Variants in AKAP19 observed in about 807,000 individuals in gnomAD.
The protein encoded by AKAP19 is A-kinase anchoring protein 19, also known as small A-kinase anchoring protein.
the AKAP19 span, among the ~76,000 whole-genome samples, chr2:190,039,066 C>T: frequency 3.8e-5 from 5 of 130,870 alleles, no homozygotes. Context: ...TCCTCTTCTT[C>T]CTCTTCTTTT....
chr2:189,923,578 T>C, the AKAP19 span: 1 of 1,614,040 alleles, frequency 6.2e-7, no homozygotes, highest in Non-Finnish European at 8.5e-7. Context: ...AGGTTTTAGA[T>C]ATTAACCTGG....
the AKAP19 span, chr2:189,923,564 G>A: frequency 6.2e-7 from 1 of 1,613,988 alleles, no homozygotes; most frequent in African/African-American, 1.3e-5. Flanking sequence ...AATGATTGCT[G>A]GCCAGGTTTT....
the AKAP19 span, among the ~76,000 whole-genome samples, chr2:190,078,135 C>T: frequency 6.6e-6 from 1 of 152,178 alleles, no homozygotes; most frequent in East Asian, 1.9e-4. Flanking sequence ...CTAGTCTCCT[C>T]AGCGTTTCCA....
the AKAP19 span, chr2:189,923,870 G>T: frequency 6.2e-7 from 1 of 1,611,016 alleles, no homozygotes; most frequent in Non-Finnish European, 8.5e-7. Flanking sequence ...GAAAGGAGAT[G>T]ACCTTCAGGC....
the AKAP19 span, among the ~76,000 whole-genome samples, chr2:190,111,541 C>T: frequency 6.6e-6 from 1 of 152,126 alleles, no homozygotes; most frequent in Non-Finnish European, 1.5e-5. Flanking sequence ...CTCTTTCAAC[C>T]TTAGATAAAC....
At chr2:189,884,545 C>CCA in the AKAP19 span, among the ~76,000 whole-genome samples, 2 of 151,974 alleles carry the variant, frequency 1.3e-5, no homozygotes, top group Non-Finnish European at 2.9e-5. Flanking sequence ...AGATTCCCAG[C>CCA]CACACACACA....
At chr2:190,062,263 GATA>G in the AKAP19 span, 1 of 1,613,108 alleles carries the variant, frequency 6.2e-7, no homozygotes, top group Admixed American at 1.7e-5. Context: ...GTTGTAGCGT[GATA>G]ATCGTCATCT....
the AKAP19 span, among the ~76,000 whole-genome samples, chr2:190,083,684 G>A: frequency 1.1e-4 from 16 of 152,282 alleles, no homozygotes; most frequent in East Asian, 2.5e-3. Flanking sequence ...ATGCAACATT[G>A]TTAGGTTAAC....
At chr2:190,105,105 T>C in the AKAP19 span, among the ~76,000 whole-genome samples, 2 of 152,146 alleles carry the variant, frequency 1.3e-5, no homozygotes, top group Admixed American at 6.5e-5. Context: ...TTAAAAGTAC[T>C]GTTTGACCCA....
At chr2:189,934,180 T>C in the AKAP19 span, among the ~76,000 whole-genome samples, 1 of 152,050 alleles carries the variant, frequency 6.6e-6, no homozygotes, top group Non-Finnish European at 1.5e-5. Context: ...TCCATAGAAA[T>C]AGAACCAAGA....
the AKAP19 span, among the ~76,000 whole-genome samples, chr2:190,110,136 G>C: frequency 9.5e-3 from 1,436 of 151,070 alleles, 25 homozygotes; most frequent in African/African-American, 0.033. Context: ...AGAAAATCAC[G>C]ACAAAATGTA....
chr2:190,065,852 A>G, the AKAP19 span, among the ~76,000 whole-genome samples: 1 of 152,182 alleles, frequency 6.6e-6, no homozygotes, highest in Non-Finnish European at 1.5e-5. Context: ...AAGAAATTTA[A>G]GTAAGTTTTA....
chr2:190,183,905 A>G, the AKAP19 span, among the ~76,000 whole-genome samples: 1 of 151,822 alleles, frequency 6.6e-6, no homozygotes, highest in Non-Finnish European at 1.5e-5. Context: ...AATGTTGCTG[A>G]GCAGTTTTGT....
the AKAP19 span, among the ~76,000 whole-genome samples, chr2:189,926,604 T>A: frequency 1.5e-4 from 6 of 41,034 alleles, no homozygotes; most frequent in Non-Finnish European, 1.9e-4. Flanking sequence ...TTTTTTTTTT[T>A]GAGACGGATT....
chr2:190,175,768 AAGC>A, the AKAP19 span, among the ~76,000 whole-genome samples: 1 of 152,332 alleles, frequency 6.6e-6, no homozygotes, highest in South Asian at 2.1e-4. Context: ...AAGAGCTTTT[AAGC>A]ATATCATGAT....
the AKAP19 span, among the ~76,000 whole-genome samples, chr2:190,032,025 G>A: frequency 3.3e-5 from 5 of 152,036 alleles, no homozygotes; most frequent in Non-Finnish European, 7.4e-5. Context: ...ATATCCATCA[G>A]TCCTACTCTT....
At chr2:189,900,996 G>A in the AKAP19 span, among the ~76,000 whole-genome samples, 1 of 152,186 alleles carries the variant, frequency 6.6e-6, no homozygotes, top group South Asian at 2.1e-4. Flanking sequence ...GCTGCAGGAC[G>A]ATTGTGAGTT....
At chr2:190,011,050 C>CTTTTTTTTTTT in the AKAP19 span, among the ~76,000 whole-genome samples, 1 of 59,552 alleles carries the variant, frequency 1.7e-5, no homozygotes, top group African/African-American at 5.3e-5. Flanking sequence ...CTCTCTCTCT[C>CTTTTTTTTTTT]TTTTTTTTTT....
chr2:190,102,588 A>C, the AKAP19 span, among the ~76,000 whole-genome samples: 1 of 152,204 alleles, frequency 6.6e-6, no homozygotes, highest in South Asian at 2.1e-4. Context: ...GATCTAGAGG[A>C]AATTGATAAA....
Sources: gnomAD v4.1 joint callset for allele counts (sites outside exome capture counted in the v4.1 genomes callset) on GRCh38, gnomAD v4.1.1 for gene constraint, MANE v1.5 for transcripts, NCBI Gene and HGNC (gene_info 2026-07-23, HGNC 2026-07-21) for gene names.